ACSF3: variants seen among roughly 807,000 people sequenced by gnomAD.
ACSF3 encodes acyl-CoA synthetase family member 3.
A neutral mutation model predicts 53.2 loss-of-function variants in ACSF3; 78 were observed. The observed-to-expected ratio is 1.47, with a 90% confidence interval of 1.22 to 1.77. The LOEUF is 1.77. Ranked by LOEUF, ACSF3 falls within the 40% of genes most tolerant of loss-of-function variation. The pLI is 0.00. For synonymous variants in ACSF3, 414 were observed against 333.1 expected, an observed-to-expected ratio of 1.24 and a Z score of -2.65; for missense variants, 937 against 771.1, an observed-to-expected ratio of 1.22 and a Z score of -2.55.
chr16:89,151,016 A>G lies in ACSF3; in HGVS notation c.1614-3074A>G, dbSNP rs147003111. ...GTCAAATTTCCCCAAACCAAAGGTC[A>G]TGAGTTTTCAGGTTGAAAGAACACC... is the stretch of plus-strand genomic sequence containing the variant. On this transcript the variant is annotated intron_variant, in intron 10 of 10. Coordinates refer to ENST00000614302, the MANE Select transcript of ACSF3 (RefSeq NM_001243279.3). The G allele has an allele frequency of 2.0e-3, 2,607 of 1,288,684 alleles. 31 individuals carry two copies. In the Admixed American group the frequency reaches 0.028, roughly 14 times the overall value. The allele number at this position is 1,288,684 out of a possible 1,614,324, so 79.8% of individuals were successfully genotyped here. A position where few individuals can be genotyped will look rare whatever the true frequency, so the allele number is the denominator to read the frequency against.
chr16:89,101,755 C>T (rs1180911729), intron 3 of ACSF3, among the ~76,000 whole-genome samples: 1 of 152,264 alleles, frequency 6.6e-6, no homozygotes, highest in Non-Finnish European at 1.5e-5. Context: ...CACATCTTCA[C>T]AGAACTCTCC....
Position 89,145,029 on chromosome 16 carries a change from C to G in ACSF3, c.1367-238C>G, listed in dbSNP as rs1269530590. 3 of 1,117,794 alleles carry G rather than the reference C, an allele frequency of 2.7e-6. No individual in the cohort carries two copies. In the African/African-American group the frequency reaches 4.6e-5, roughly 17 times the overall value. 69.2% of individuals were successfully genotyped at this position (1,117,794 alleles called of 1,614,324 possible). ...TGGGGAAGGGACCCCACAGGAAGGG[C>G]AGACCCCACATCATGGGCACAGTCC... On this transcript the variant is annotated intron_variant, in intron 8 of 10. Transcript: ENST00000614302.
intron 8 of ACSF3, among the ~76,000 whole-genome samples, chr16:89,139,924 C>T (rs1285424322): frequency 6.6e-6 from 1 of 152,152 alleles, no homozygotes; most frequent in African/African-American, 2.4e-5. Flanking sequence ...ACAGGGTGTC[C>T]TCTGTCCCCA....
chr16:89,095,535 C>T (rs1177665205), intron 1 of ACSF3, among the ~76,000 whole-genome samples: 1 of 150,890 alleles, frequency 6.6e-6, no homozygotes, highest in East Asian at 1.9e-4. Flanking sequence ...CCCTCCTCTG[C>T]CCCACGCTCT....
intron 8 of ACSF3, among the ~76,000 whole-genome samples, chr16:89,135,659 C>T (rs1910285273): frequency 6.6e-6 from 1 of 152,240 alleles, no homozygotes; most frequent in African/African-American, 2.4e-5. Flanking sequence ...TCCATGACTT[C>T]CCTTCAAATG....
At chr16:89,123,460 A>G (rs934991763) in intron 7 of ACSF3, among the ~76,000 whole-genome samples, 1 of 152,174 alleles carries the variant, frequency 6.6e-6, no homozygotes, top group African/African-American at 2.4e-5. Flanking sequence ...GGTGCCCCTC[A>G]CTACCACGGT....
chr16:89,130,446 C>T (rs555977957), intron 7 of ACSF3, among the ~76,000 whole-genome samples: 1 of 152,246 alleles, frequency 6.6e-6, no homozygotes, highest in African/African-American at 2.4e-5. Flanking sequence ...TGGTGGCACA[C>T]ACCTGTAATC....
Position 89,154,837 on chromosome 16 carries a change from C to T in ACSF3, c.*630C>T, listed in dbSNP as rs987513753. ...CTACTGTGTGTCCATCAGCATGTGT[C>T]ACAGAAAGTGCGTGGACGGATGGCC... On this transcript the variant is annotated 3_prime_UTR_variant, in exon 11 of 11. Coordinates refer to ENST00000614302, the MANE Select transcript of ACSF3 (RefSeq NM_001243279.3). 1 of 454,036 alleles carries T rather than the reference C, an allele frequency of 2.2e-6. No individual in the cohort carries two copies. The highest frequency in any genetic ancestry group is 4.4e-6 in the Non-Finnish European group (1 of 226,808). 28.1% of individuals were successfully genotyped at this position (454,036 alleles called of 1,614,324 possible). A position where few individuals can be genotyped will look rare whatever the true frequency, so the allele number is the denominator to read the frequency against.
rs770525323 is a variant in ACSF3 at position 89,154,134 on chromosome 16, TGGA to T, written c.1663_1665del (p.Glu555del). On this transcript the variant is annotated inframe_deletion, in exon 11 of 11. Transcript: ENST00000614302. ...GCGGTGCCCTCGGAGCTGGTGCTGG[TGGA>T]GGAGATCCCGCGGAACCAGATGGGC... 7 of 1,613,154 alleles carry T rather than the reference TGGA, an allele frequency of 4.3e-6. No homozygotes were observed. The highest frequency in any genetic ancestry group is 1.6e-4 in the Middle Eastern group (1 of 6,062).
In ACSF3 at chr16:89,155,684, C is replaced by G. The variant is rs1054309597; in HGVS notation, c.*1477C>G. The G allele has an allele frequency of 2.0e-5, 9 of 454,032 alleles. No homozygotes were observed. Among genetic ancestry groups the G allele is most frequent in the Non-Finnish European group, 3.5e-5 (8 of 226,804 alleles). 28.1% of individuals were successfully genotyped at this position (454,032 alleles called of 1,614,324 possible). On this transcript the variant is annotated 3_prime_UTR_variant, in exon 11 of 11. Transcript: ENST00000614302. ...ACAGTCCAGACGTTTGTGTCTAGGCCTTGCTGGTAGCTAAGGAAATGCCTT... is the reference window on the plus strand; with the variant it reads ...ACAGTCCAGACGTTTGTGTCTAGGCGTTGCTGGTAGCTAAGGAAATGCCTT...
intron 1 of ACSF3, among the ~76,000 whole-genome samples, chr16:89,094,326 C>T (rs545587144): frequency 6.6e-5 from 10 of 152,330 alleles, no homozygotes; most frequent in African/African-American, 2.2e-4. Context: ...AATAAATTCA[C>T]TTCCATTTCT....
intron 3 of ACSF3, among the ~76,000 whole-genome samples, chr16:89,101,736 G>T (rs1037224716): frequency 1.3e-5 from 2 of 152,228 alleles, no homozygotes; most frequent in African/African-American, 4.8e-5. Flanking sequence ...TGTGTCCTGT[G>T]ACCTCAGTCA....
rs1567703389 is a variant in ACSF3 at position 89,114,468 on chromosome 16, C to CACTG, written c.1108_1111dup (p.Ala371AspfsTer50). On this transcript the variant is annotated frameshift_variant, in exon 6 of 11. Coordinates refer to ENST00000614302, the MANE Select transcript of ACSF3 (RefSeq NM_001243279.3). LOFTEE classifies it high-confidence loss of function. ...GCATGGCTCTGTCCGGGCCCCTGAC[C>CACTG]ACTGCCGTGCGCCTGCCAGGTACGA... is the stretch of plus-strand genomic sequence containing the variant. The CACTG allele has an allele frequency of 6.2e-7, 1 of 1,612,992 alleles. No individual in the cohort carries two copies. Among genetic ancestry groups the CACTG allele is most frequent in the Non-Finnish European group, 8.5e-7 (1 of 1,179,998 alleles).
At chr16:89,128,019 G>C (rs915160441) in intron 7 of ACSF3, among the ~76,000 whole-genome samples, 3 of 151,844 alleles carry the variant, frequency 2.0e-5, no homozygotes, top group Non-Finnish European at 4.4e-5. Flanking sequence ...TTTCAAAGAA[G>C]TCACTTTTGG....
At chr16:89,099,320 C>T (rs1373179996) in intron 2 of ACSF3, among the ~76,000 whole-genome samples, 1 of 152,254 alleles carries the variant, frequency 6.6e-6, no homozygotes, top group Admixed American at 6.5e-5. Context: ...GGTCTCCTTT[C>T]TCTGAATGAA....
chr16:89,136,832 A>G (rs1170993998), intron 8 of ACSF3: 1 of 1,284,586 alleles, frequency 7.8e-7, no homozygotes, highest in East Asian at 5.6e-5. Flanking sequence ...TGTTTCAGGT[A>G]ACTCCTCTGA....
intron 8 of ACSF3, among the ~76,000 whole-genome samples, chr16:89,143,011 GC>G (rs1445060625): frequency 2.0e-5 from 3 of 152,258 alleles, no homozygotes; most frequent in African/African-American, 7.2e-5. Context: ...CATGTCATGA[GC>G]CCACTCGGGG....
At position 89,102,838 on chromosome 16, in the gene ACSF3, G is replaced by A. The variant is rs1398604385; in HGVS notation, c.822+79G>A. On this transcript the variant is annotated intron_variant, in intron 4 of 10. Transcript: ENST00000614302. ...TGTCGGGGCCAGGGCTCTCAGCCGC[G>A]CCCTCAGCCTAAGCGCCTTTCGCTG... 2.4e-5 allele frequency: 37 copies of A among 1,571,818 alleles called. No homozygotes were observed. The East Asian group carries it at 7.2e-4, about 31-fold the overall frequency.
chr16:89,145,800 T>TGAGGCCAGCACCGGGAC, intron 9 of ACSF3, 138 bp from the exon 10 acceptor site: 1 of 811,732 alleles, frequency 1.2e-6, no homozygotes, highest in Non-Finnish European at 2.2e-6. Flanking sequence ...CCAGGACGAG[T>TGAGGCCAGCACCGGGAC]GATTGGAGTG....
Sources: allele counts gnomAD v4.1 joint callset (sites outside exome capture counted in the v4.1 genomes callset), GRCh38; gene constraint gnomAD v4.1.1; transcripts MANE v1.5; gene names NCBI Gene and HGNC (gene_info 2026-07-23, HGNC 2026-07-21).